COPZ1: variants seen among roughly 807,000 people sequenced by gnomAD.
COPZ1 encodes coat protein complex I subunit zeta 1.
Under a neutral mutation model 31.7 loss-of-function variants are expected in COPZ1, and 4 were observed. The ratio of observed to expected loss-of-function variants is 0.13; its 90% CI spans 0.06 to 0.29. The LOEUF is 0.29. Ranked by LOEUF, COPZ1 falls within the 10% of genes least tolerant of loss-of-function variation. COPZ1 has a pLI of 1.00. For synonymous variants in COPZ1, 74 were observed against 79.0 expected (o/e 0.94, Z 0.33); for missense variants, 156 against 211.5 (o/e 0.74, Z 1.63).
At position 54,343,256 on chromosome 12, in the gene COPZ1, G is replaced by A. The variant is rs1954006078; in HGVS notation, c.201G>A (p.Val67=). The A allele has an allele frequency of 6.2e-7, 1 of 1,613,948 alleles. No individual in the cohort carries two copies. Among genetic ancestry groups the A allele is most frequent in the Non-Finnish European group, 8.5e-7 (1 of 1,179,978 alleles). ...TTGCCCTCTTGGAAGGCCTGACAGT[G>A]GTATACAAAAGCAGTATAGATCTCT... The part of the protein sequence containing the change: ...SEIALLEGLT[V]VYKSSIDLYF... Residue 67 remains valine, a synonymous_variant, in exon 4 of 9, where the codon GTG becomes GTA. Transcript: ENST00000262061.
At chr12:54,346,080 G>A (rs139267934) in intron 5 of COPZ1, among the ~76,000 whole-genome samples, 6 of 152,180 alleles carry the variant, frequency 3.9e-5, no homozygotes, top group African/African-American at 1.2e-4. Context: ...CTGGGAGGGA[G>A]CCGAATCTTT....
rs1055856507 is a variant in COPZ1 at position 54,349,987 on chromosome 12, A to T, written c.486+329A>T. On this transcript the variant is annotated intron_variant, in intron 8 of 8. Transcript: ENST00000262061. The stretch of plus-strand genomic sequence containing the variant: ...ATGGTCTGTGTGCATTTGTGCACAC[A>T]CACTCTCTTTCTCTTATTATTCAAT... The T allele has an allele frequency of 5.1e-6, 3 of 591,328 alleles. No homozygotes were observed. The Admixed American group carries it at 8.9e-5, about 18-fold the overall frequency. 36.6% of individuals were successfully genotyped at this position (591,328 alleles called of 1,614,324 possible). A position where few individuals can be genotyped will look rare whatever the true frequency, so the allele number is the denominator to read the frequency against.
intron 5 of COPZ1, chr12:54,346,559 CACTTAG>C: frequency 1.4e-6 from 1 of 696,172 alleles, no homozygotes; most frequent in Non-Finnish European, 2.6e-6. Flanking sequence ...AGGCATGAGC[CACTTAG>C]ACCAGTTTTT....
intron 1 of COPZ1, among the ~76,000 whole-genome samples, chr12:54,326,788 A>C (rs1447695042): frequency 6.6e-6 from 1 of 151,042 alleles, no homozygotes; most frequent in African/African-American, 2.4e-5. Context: ...TTTCCTTCAG[A>C]TCTCCTAAGC....
intron 1 of COPZ1, among the ~76,000 whole-genome samples, chr12:54,335,842 T>C (rs903680745): frequency 2.0e-5 from 3 of 151,914 alleles, no homozygotes; most frequent in African/African-American, 7.3e-5. Context: ...TGGCTAATTT[T>C]TGTTTTTTTT....
At chr12:54,335,770 C>T (rs1222290892) in intron 1 of COPZ1, among the ~76,000 whole-genome samples, 1 of 150,084 alleles carries the variant, frequency 6.7e-6, no homozygotes, top group Non-Finnish European at 1.5e-5. Context: ...CTCCCAAGCT[C>T]AAGCGATCCT....
At chr12:54,332,083 G>A (rs1005332879) in intron 1 of COPZ1, among the ~76,000 whole-genome samples, 1 of 152,192 alleles carries the variant, frequency 6.6e-6, no homozygotes, top group Non-Finnish European at 1.5e-5. Context: ...CCAGCACTTT[G>A]GGAGGCCGAG....
intron 1 of COPZ1, among the ~76,000 whole-genome samples, chr12:54,328,557 T>C (rs1459073777): frequency 6.6e-6 from 1 of 152,140 alleles, no homozygotes; most frequent in East Asian, 1.9e-4. Flanking sequence ...AGAGCAAGGC[T>C]CTGTCTCAGA....
At chr12:54,347,379 T>C (rs1954082163) in intron 5 of COPZ1, among the ~76,000 whole-genome samples, 1 of 152,202 alleles carries the variant, frequency 6.6e-6, no homozygotes, top group African/African-American at 2.4e-5. Context: ...AGGTTTGCAT[T>C]GAACCCCTCT....
chr12:54,343,080 C>T lies in COPZ1; in HGVS notation c.170-145C>T, dbSNP rs554460787. On this transcript the variant is annotated intron_variant, in intron 3 of 8. Coordinates refer to ENST00000262061, the MANE Select transcript of COPZ1 (RefSeq NM_016057.3). ...CTGTGTTGGCCAGGCTGGTCTTGAA[C>T]TCCTGACCTTAGGTGATCCGCCAGG... 3 of 698,732 alleles carry T rather than the reference C, an allele frequency of 4.3e-6. No individual in the cohort carries two copies. In the East Asian group the frequency reaches 7.5e-5, roughly 18 times the overall value. The allele number at this position is 698,732 out of a possible 1,614,324, so 43.3% of individuals were successfully genotyped here.
chr12:54,347,941 C>T (rs185304911), intron 6 of COPZ1, 59 bp from the exon 7 acceptor site: 87 of 1,606,564 alleles, frequency 5.4e-5, no homozygotes, highest in Non-Finnish European at 6.4e-5. Context: ...TCCTGTTCCC[C>T]GACAGTGAGT....
At chr12:54,327,603 ATTC>A (rs1953677696) in intron 1 of COPZ1, among the ~76,000 whole-genome samples, 1 of 152,088 alleles carries the variant, frequency 6.6e-6, no homozygotes, top group Non-Finnish European at 1.5e-5. Context: ...GGCAGCAAGT[ATTC>A]TTAATCAAGA....
At chr12:54,335,608 C>T (rs1181712687) in intron 1 of COPZ1, among the ~76,000 whole-genome samples, 1 of 151,350 alleles carries the variant, frequency 6.6e-6, no homozygotes, top group African/African-American at 2.4e-5. Flanking sequence ...AGGGTTTCAC[C>T]ATGTTGGCCA....
chr12:54,342,355 G>A, intron 3 of COPZ1, 68 bp downstream of exon 3: 1 of 1,133,960 alleles, frequency 8.8e-7, no homozygotes, highest in Non-Finnish European at 1.3e-6. Flanking sequence ...GTGGTAACAG[G>A]GCTGCAGAGA....
intron 1 of COPZ1, among the ~76,000 whole-genome samples, chr12:54,334,447 G>A (rs985177994): frequency 4.0e-5 from 6 of 151,878 alleles, no homozygotes; most frequent in Non-Finnish European, 8.8e-5. Context: ...TGTAAAAACT[G>A]CTCTTCCCTG....
At chr12:54,328,277 A>C (rs1300820242) in intron 1 of COPZ1, among the ~76,000 whole-genome samples, 1 of 142,320 alleles carries the variant, frequency 7.0e-6, no homozygotes, top group Non-Finnish European at 1.5e-5. Flanking sequence ...CTCCATCTCA[A>C]AAAAAAAAAA....
intron 4 of COPZ1, among the ~76,000 whole-genome samples, chr12:54,344,173 G>A (rs118163918): frequency 0.033 from 5,024 of 152,276 alleles, 128 homozygotes; most frequent in Non-Finnish European, 0.053. Flanking sequence ...GACATAGGCC[G>A]AACGTGGTGG....
At chr12:54,336,175 A>G (rs1953859936) in intron 1 of COPZ1, among the ~76,000 whole-genome samples, 1 of 152,140 alleles carries the variant, frequency 6.6e-6, no homozygotes, top group Non-Finnish European at 1.5e-5. Context: ...TTCTCTTACT[A>G]TATACATTGT....
intron 5 of COPZ1, among the ~76,000 whole-genome samples, chr12:54,347,308 G>A (rs1195819294): frequency 2.0e-5 from 3 of 152,216 alleles, no homozygotes; most frequent in African/African-American, 7.2e-5. Context: ...GCTGGTAAGG[G>A]ATAGGGAGAA....
Sources: gnomAD v4.1 joint callset for allele counts (sites outside exome capture counted in the v4.1 genomes callset) on GRCh38, gnomAD v4.1.1 for gene constraint, MANE v1.5 for transcripts, NCBI Gene and HGNC (gene_info 2026-07-23, HGNC 2026-07-21) for gene names.